Variants in CREBZF observed in about 807,000 individuals in gnomAD.
The protein encoded by CREBZF is CREB/ATF bZIP transcription factor, also known as HCF-binding transcription factor Zhangfei.
A neutral mutation model predicts 21.1 loss-of-function variants in CREBZF; 8 were observed. The ratio of observed to expected loss-of-function variants is 0.38; its 90% CI spans 0.22 to 0.68. The LOEUF (loss-of-function observed/expected upper bound fraction) is 0.68. Ranked by LOEUF, CREBZF falls within the 30% of genes least tolerant of loss-of-function variation. CREBZF has a pLI of 0.51. For synonymous variants in CREBZF, 270 were observed against 223.3 expected (o/e 1.21, Z -1.86); for missense variants, 518 against 484.3 (o/e 1.07, Z -0.65).
chr11:85,667,902 G>A (rs538316476), upstream of CREBZF, among the ~76,000 whole-genome samples: 25 of 152,124 alleles, frequency 1.6e-4, no homozygotes, highest in Non-Finnish European at 2.8e-4. Flanking sequence ...CCTTGGAGGC[G>A]GAGGTTGCAG....
intron 1 of CREBZF, among the ~76,000 whole-genome samples, chr11:85,674,202 G>A (rs2082929326): frequency 6.6e-6 from 1 of 152,170 alleles, no homozygotes; most frequent in Non-Finnish European, 1.5e-5. Flanking sequence ...TTGCCTTAAT[G>A]TATTTCTGAA....
chr11:85,674,095 A>T (rs1408468591), intron 1 of CREBZF, among the ~76,000 whole-genome samples: 1 of 152,178 alleles, frequency 6.6e-6, no homozygotes, highest in Non-Finnish European at 1.5e-5. Flanking sequence ...AAACTTCCAA[A>T]CAAACGTTCT....
rs72958024 is a variant in CREBZF at position 85,670,241 on chromosome 11, G to A, written n.148-6640C>T. On this transcript the variant is annotated intron_variant and non_coding_transcript_variant, in intron 1 of 3. Coordinates refer to the CREBZF transcript ENST00000531515. The stretch of plus-strand genomic sequence containing the variant: ...TAGAGGGCCATTGATACTTTGTTTC[G>A]TATTCTTTATTTCCCCCTAACACTT... 5.1e-3 allele frequency among the ~76,000 whole-genome samples: 728 copies of A among 142,940 alleles called. 5 individuals are homozygous for A. Among genetic ancestry groups the A allele is most frequent in the Non-Finnish European group, 8.7e-3 (573 of 66,100 alleles). 93.8% of individuals were successfully genotyped at this position (142,940 alleles called of 152,430 possible). A position where few individuals can be genotyped will look rare whatever the true frequency, so the allele number is the denominator to read the frequency against.
upstream of CREBZF, chr11:85,665,246 T>C (rs988446704): frequency 2.9e-5 from 7 of 245,392 alleles, no homozygotes; most frequent in African/African-American, 1.6e-4. Context: ...GATGTCATAA[T>C]AACAGCGGCA....
chr11:85,663,237 C>T lies in CREBZF; in HGVS notation c.*574G>A, dbSNP rs1000515093. On this transcript the variant is annotated 3_prime_UTR_variant, in exon 1 of 1. Coordinates refer to ENST00000527447, the MANE Select transcript of CREBZF (RefSeq NM_001039618.4). ...GCAGGTTTCAGTGTACAGTTGGAAC[C>T]GATGTCATCCAAGGCCATGTCCACA... The T allele has an allele frequency of 2.2e-6, 1 of 451,744 alleles. No individual in the cohort carries two copies. 28.0% of individuals were successfully genotyped at this position (451,744 alleles called of 1,614,324 possible).
Position 85,663,315 on chromosome 11 carries a change from T to C in CREBZF, c.*496A>G. ...AAGTCTGAATAAGGGGACACATTAA[T>C]AGCTATTTCAACCAGAAGAGGCATC... On this transcript the variant is annotated 3_prime_UTR_variant, in exon 1 of 1. Transcript: ENST00000527447. 1.7e-6 allele frequency: 1 copy of C among 596,818 alleles called. No individual in the cohort carries two copies. The highest frequency in any genetic ancestry group is 1.9e-5 in the African/African-American group (1 of 53,754). The allele number at this position is 596,818 out of a possible 1,614,324, so 37.0% of individuals were successfully genotyped here. A position where few individuals can be genotyped will look rare whatever the true frequency, so the allele number is the denominator to read the frequency against.
intron 1 of CREBZF, among the ~76,000 whole-genome samples, chr11:85,672,639 A>T (rs1474144970): frequency 6.6e-6 from 1 of 152,202 alleles, no homozygotes; most frequent in Non-Finnish European, 1.5e-5. Flanking sequence ...CACATGGCTA[A>T]CTGGTTGGTC....
In CREBZF at chr11:85,664,619, T is replaced by G. The variant is rs528889433; in HGVS notation, c.257A>C (p.Glu86Ala). 3.1e-6 allele frequency: 5 copies of G among 1,612,910 alleles called. No individual in the cohort carries two copies. The South Asian group carries it at 5.5e-5, about 18-fold the overall frequency. Residue 86 changes from glutamate (E) to alanine (A), a missense_variant, in exon 1 of 1, where the codon GAG (glutamate) becomes GCG (alanine). Around this residue, in one of 3 missense-constraint regions of CREBZF, gnomAD observed 396 missense variants for 324.4 expected, o/e 1.22. Transcript: ENST00000527447. This position sits in a 1 kb window ranked among gnomAD's most constrained non-coding sequence, Gnocchi z 5.5. ...TTCCCCCGGGAGGCTGGCGATCGCC[T>G]CCTCCTCCATCTCCTCGGGGGAGGG... The part of the protein sequence containing the change: ...RAPSPEEMEE[E>A]AIASLPGEET...
rs1449973999 is a variant in CREBZF at position 85,663,925 on chromosome 11, C to T, written c.951G>A (p.Leu317=). Reference sequence around the variant, plus strand: ...CTCCCGCCGAGTCGTCCTCTTCCAGCAGGTCCTGCTTCTGCTTTCCCACCG... The same window carrying T: ...CTCCCGCCGAGTCGTCCTCTTCCAGTAGGTCCTGCTTCTGCTTTCCCACCG... The part of the protein sequence containing the change: ...ALPVGKQKQD[L]LEEDDSAGGV... Residue 317 remains leucine, a synonymous_variant, in exon 1 of 1, where the codon CTG becomes CTA. Transcript: ENST00000527447. 2 of 1,613,868 alleles carry T rather than the reference C, an allele frequency of 1.2e-6. No homozygotes were observed. Among genetic ancestry groups the T allele is most frequent in the Non-Finnish European group, 1.7e-6 (2 of 1,180,028 alleles).
Position 85,662,655 on chromosome 11 carries a change from C to T in CREBZF, c.*1156G>A. On this transcript the variant is annotated 3_prime_UTR_variant, in exon 1 of 1. Coordinates refer to ENST00000527447, the MANE Select transcript of CREBZF (RefSeq NM_001039618.4). ...CGTGTCATTTAAGTGGCCAGAACCACTCAATTTAAAAAATTATTTTAAAAT... is the reference window on the plus strand; with the variant it reads ...CGTGTCATTTAAGTGGCCAGAACCATTCAATTTAAAAAATTATTTTAAAAT... The T allele has an allele frequency of 2.4e-6, 1 of 414,462 alleles. No individual in the cohort carries two copies. Among genetic ancestry groups the T allele is most frequent in the Non-Finnish European group, 4.3e-6 (1 of 232,572 alleles). The allele number at this position is 414,462 out of a possible 1,614,324, so 25.7% of individuals were successfully genotyped here.
chr11:85,660,193 T>C lies in CREBZF; in HGVS notation c.*3618A>G, dbSNP rs1244198894. The stretch of plus-strand genomic sequence containing the variant: ...CACTGATGGCCTGCTTATGTAATTC[T>C]AGTCCACTAAATGTTAATTCCATAG... On this transcript the variant is annotated 3_prime_UTR_variant, in exon 1 of 1. Coordinates refer to ENST00000527447, the MANE Select transcript of CREBZF (RefSeq NM_001039618.4). 2 of 162,846 alleles carry C rather than the reference T, an allele frequency of 1.2e-5. No individual in the cohort carries two copies. Among genetic ancestry groups the C allele is most frequent in the Non-Finnish European group, 2.7e-5 (2 of 74,788 alleles). The allele number at this position is 162,846 out of a possible 1,614,324, so 10.1% of individuals were successfully genotyped here. A position where few individuals can be genotyped will look rare whatever the true frequency, so the allele number is the denominator to read the frequency against.
chr11:85,681,527 C>G (rs2082976420), intron 1 of CREBZF, among the ~76,000 whole-genome samples: 1 of 152,136 alleles, frequency 6.6e-6, no homozygotes, highest in African/African-American at 2.4e-5. Flanking sequence ...TTTTTGGAAC[C>G]AGACAAGTTC....
At chr11:85,671,138 C>T (rs1231669669) in intron 1 of CREBZF, among the ~76,000 whole-genome samples, 1 of 152,032 alleles carries the variant, frequency 6.6e-6, no homozygotes, top group Non-Finnish European at 1.5e-5. Context: ...TGGTGGAAGG[C>T]AAAGGAAAAG....
chr11:85,663,797 CAG>C lies in CREBZF; in HGVS notation c.*12_*13del. The C allele has an allele frequency of 1.3e-6, 2 of 1,587,292 alleles. No homozygotes were observed. Among genetic ancestry groups the C allele is most frequent in the Non-Finnish European group, 1.7e-6 (2 of 1,169,364 alleles). ...GAAAGGGGTAAACGCGGATAAAGAGCAGATTACTTGACCCTACATTTTAAGAG... is the reference window on the plus strand; with the variant it reads ...GAAAGGGGTAAACGCGGATAAAGAGCATTACTTGACCCTACATTTTAAGAG... On this transcript the variant is annotated 3_prime_UTR_variant, in exon 1 of 1. Coordinates refer to ENST00000527447, the MANE Select transcript of CREBZF (RefSeq NM_001039618.4).
intron 1 of CREBZF, among the ~76,000 whole-genome samples, chr11:85,676,916 T>G (rs1262487121): frequency 3.4e-5 from 5 of 149,072 alleles, no homozygotes; most frequent in Non-Finnish European, 7.4e-5. Flanking sequence ...AGTGCTGGAA[T>G]TACAGGTGTG....
At chr11:85,668,651 T>G (rs2082887887), upstream of CREBZF, among the ~76,000 whole-genome samples, 1 of 152,162 alleles carries the variant, frequency 6.6e-6, no homozygotes. Flanking sequence ...ATTCCTGACT[T>G]TAACAGGAAT....
intron 1 of CREBZF, among the ~76,000 whole-genome samples, chr11:85,674,861 T>A (rs2082932655): frequency 6.6e-6 from 1 of 152,218 alleles, no homozygotes; most frequent in Admixed American, 6.5e-5. Flanking sequence ...TGCTTTTACT[T>A]CTCATTGCTA....
upstream of CREBZF, among the ~76,000 whole-genome samples, chr11:85,665,513 TTACTAA>T (rs2082847814): frequency 1.3e-5 from 2 of 149,736 alleles, no homozygotes; most frequent in Admixed American, 1.3e-4. Flanking sequence ...TAACAATCGT[TTACTAA>T]TACTATTTAA....
rs2082720643 is a variant in CREBZF at position 85,662,780 on chromosome 11, A to G, written c.*1031T>C. ...CACAACCTTCAATATCTAATCATACATATATAAATTTAACCTAAAATTTTA... is the reference window on the plus strand; with the variant it reads ...CACAACCTTCAATATCTAATCATACGTATATAAATTTAACCTAAAATTTTA... On this transcript the variant is annotated 3_prime_UTR_variant, in exon 1 of 1. Coordinates refer to ENST00000527447, the MANE Select transcript of CREBZF (RefSeq NM_001039618.4). 4.8e-6 allele frequency: 1 copy of G among 210,246 alleles called. No individual in the cohort carries two copies. 13.0% of individuals were successfully genotyped at this position (210,246 alleles called of 1,614,324 possible). A position where few individuals can be genotyped will look rare whatever the true frequency, so the allele number is the denominator to read the frequency against.
Sources: gnomAD v4.1 joint callset for allele counts (sites outside exome capture counted in the v4.1 genomes callset) on GRCh38, gnomAD v4.1.1 for gene constraint, gnomAD v4.1.1 regional missense constraint, Gnocchi (gnomAD v3.1) non-coding constraint, MANE v1.5 for transcripts, NCBI Gene and HGNC (gene_info 2026-07-23, HGNC 2026-07-21) for gene names.